The following TRAF3IP1 variants were observed in gnomAD, a reference collection of about 807,000 sequenced individuals.
TRAF3IP1 encodes the protein TRAF3-interacting protein 1.
TRAF3IP1 carries 53 observed loss-of-function variants against 89.9 expected under a neutral mutation model. The ratio of observed to expected loss-of-function variants is 0.59; its 90% CI spans 0.47 to 0.74. The LOEUF is 0.74. Among genes scored for constraint, TRAF3IP1 ranks in the 30% least tolerant of loss-of-function variants. The pLI is 0.00. For synonymous variants in TRAF3IP1, 311 were observed against 322.1 expected (o/e 0.97, Z 0.37); for missense variants, 806 against 866.1 (o/e 0.93, Z 0.87).
intron 7 of TRAF3IP1, among the ~76,000 whole-genome samples, chr2:238,338,142 A>G (rs542543201): frequency 6.6e-6 from 1 of 152,240 alleles, no homozygotes; most frequent in South Asian, 2.1e-4. Flanking sequence ...AACAAGTTGG[A>G]GGAAAACTTG....
At position 238,320,845 on chromosome 2, in the gene TRAF3IP1, T is replaced by C. The variant is rs948940841; in HGVS notation, c.123+60T>C. ...GTCGGGATTCCGGTGGGCGCCGAGG[T>C]CAGGGCCCGGGCCGGGTGGCGCCGG... On this transcript the variant is annotated intron_variant, in intron 1 of 16. Coordinates refer to ENST00000373327, the MANE Select transcript of TRAF3IP1 (RefSeq NM_015650.4). The C allele has an allele frequency of 1.2e-5, 15 of 1,273,786 alleles. No individual in the cohort carries two copies. The African/African-American group carries it at 2.4e-4, about 21-fold the overall frequency. The allele number at this position is 1,273,786 out of a possible 1,614,324, so 78.9% of individuals were successfully genotyped here.
chr2:238,398,360 G>A (rs1701334236), intron 16 of TRAF3IP1, among the ~76,000 whole-genome samples: 2 of 147,848 alleles, frequency 1.4e-5, no homozygotes, highest in African/African-American at 5.0e-5. Flanking sequence ...TGGGGAGGGG[G>A]CCCTGCAGCA....
chr2:238,388,387 A>AG (rs1255137328), intron 15 of TRAF3IP1, among the ~76,000 whole-genome samples: 2 of 151,288 alleles, frequency 1.3e-5, no homozygotes, highest in African/African-American at 4.9e-5. Flanking sequence ...AAAAAAAAAA[A>AG]AAAAAGGATG....
At chr2:238,395,401 A>G (rs1485438477) in intron 15 of TRAF3IP1, among the ~76,000 whole-genome samples, 1 of 152,202 alleles carries the variant, frequency 6.6e-6, no homozygotes. Flanking sequence ...ATTAAAGACT[A>G]CATGTTAGAC....
chr2:238,384,287 C>G (rs918545109), intron 15 of TRAF3IP1, among the ~76,000 whole-genome samples: 1 of 152,082 alleles, frequency 6.6e-6, no homozygotes, highest in Admixed American at 6.6e-5. Context: ...CTGTTTTACA[C>G]TTGTTTGCTA....
intron 1 of TRAF3IP1, among the ~76,000 whole-genome samples, chr2:238,324,653 G>A (rs1367245908): frequency 6.6e-6 from 1 of 152,050 alleles, no homozygotes; most frequent in African/African-American, 2.4e-5. Flanking sequence ...TCGCCAGGCT[G>A]GAGTGCAGTG....
At position 238,377,910 on chromosome 2, in the gene TRAF3IP1, C is replaced by T. The variant is rs571219773; in HGVS notation, c.1690-19549C>T. 9.1e-4 allele frequency among the ~76,000 whole-genome samples: 139 copies of T among 152,142 alleles called. 1 individual carries two copies. The highest frequency in any genetic ancestry group is 3.2e-3 in the African/African-American group (132 of 41,512). On this transcript the variant is annotated intron_variant, in intron 15 of 16. Transcript: ENST00000373327. ...GCTTTTTAAAATGTGTTTTCGAGTC[C>T]ATTTTGACTGTCAGTTTTTTGAAAA...
chr2:238,393,483 C>A lies in TRAF3IP1; in HGVS notation c.1690-3976C>A, dbSNP rs142015943. ...TTGTTTTTGCTCATTCTGTGACTTACCTTTGCGGCTTCTTCCCAGGGTCTT... is the reference window on the plus strand; with the variant it reads ...TTGTTTTTGCTCATTCTGTGACTTAACTTTGCGGCTTCTTCCCAGGGTCTT... On this transcript the variant is annotated intron_variant, in intron 15 of 16. Transcript: ENST00000373327. 2.3e-3 allele frequency among the ~76,000 whole-genome samples: 347 copies of A among 152,234 alleles called. 1 individual carries two copies. The highest frequency in any genetic ancestry group is 8.2e-3 in the African/African-American group (339 of 41,528).
Position 238,334,189 on chromosome 2 carries a change from T to C in TRAF3IP1, c.1063+154T>C, listed in dbSNP as rs546311923. ...ACAGCGTGTGGAAATAATGAAGATT[T>C]GTGGCTGTTACATACACATGCGTGT... is the stretch of plus-strand genomic sequence containing the variant. On this transcript the variant is annotated intron_variant, in intron 7 of 16. Coordinates refer to ENST00000373327, the MANE Select transcript of TRAF3IP1 (RefSeq NM_015650.4). 19 of 659,356 alleles carry C rather than the reference T, an allele frequency of 2.9e-5. No homozygotes were observed. In the East Asian group the frequency reaches 5.0e-4, roughly 17 times the overall value. The allele number at this position is 659,356 out of a possible 1,614,324, so 40.8% of individuals were successfully genotyped here. A position where few individuals can be genotyped will look rare whatever the true frequency, so the allele number is the denominator to read the frequency against.
chr2:238,354,113 A>G (rs1699299133), intron 14 of TRAF3IP1, among the ~76,000 whole-genome samples: 1 of 152,174 alleles, frequency 6.6e-6, no homozygotes, highest in Non-Finnish European at 1.5e-5. Context: ...GTTTCATTTC[A>G]GCCCATCTCA....
At chr2:238,329,586 G>A (rs1454700199) in intron 5 of TRAF3IP1, among the ~76,000 whole-genome samples, 1 of 152,096 alleles carries the variant, frequency 6.6e-6, no homozygotes, top group Non-Finnish European at 1.5e-5. Context: ...ATTTATTAAG[G>A]CATTATTCAG....
rs1469398510 is a variant in TRAF3IP1 at position 238,366,190 on chromosome 2, C to T, written c.1689+10110C>T. Among the ~76,000 whole-genome samples the T allele has an allele frequency of 4.6e-5, 7 of 152,166 alleles. 1 individual carries two copies. The South Asian group carries it at 1.0e-3, about 23-fold the overall frequency. ...GAGCTTGCAGTGAGCAGAGATCGCG[C>T]GCGCCACTGCACTCCAGCCTGGGCG... is the stretch of plus-strand genomic sequence containing the variant. On this transcript the variant is annotated intron_variant, in intron 15 of 16. Coordinates refer to ENST00000373327, the MANE Select transcript of TRAF3IP1 (RefSeq NM_015650.4).
rs902266776 is a variant in TRAF3IP1 at position 238,336,154 on chromosome 2, T to G, written c.1063+2119T>G. The stretch of plus-strand genomic sequence containing the variant: ...TCTTTTGGCTTTCCTAAGCAGACAG[T>G]TGTATCATCTGCTCTTCTTTTCTAA... On this transcript the variant is annotated intron_variant, in intron 7 of 16. Transcript: ENST00000373327. Among the ~76,000 whole-genome samples the G allele has an allele frequency of 2.0e-5, 3 of 152,286 alleles. No individual in the cohort carries two copies. The East Asian group carries it at 5.8e-4, about 29-fold the overall frequency.
intron 14 of TRAF3IP1, among the ~76,000 whole-genome samples, 195 bp from the exon 15 acceptor site, chr2:238,355,809 G>A (rs764763175): frequency 9.2e-5 from 14 of 152,118 alleles, no homozygotes; most frequent in African/African-American, 9.7e-5. Context: ...ACTTTGAAAT[G>A]TGATAATTTC....
chr2:238,383,586 G>A (rs905165616), intron 15 of TRAF3IP1, among the ~76,000 whole-genome samples: 17 of 152,244 alleles, frequency 1.1e-4, no homozygotes, highest in African/African-American at 3.9e-4. Flanking sequence ...TCTTGCCCAC[G>A]TATTTTTTAG....
At chr2:238,325,508 G>GAT (rs1185481982) in intron 2 of TRAF3IP1, 134 bp downstream of exon 2, 4 of 866,662 alleles carry the variant, frequency 4.6e-6, no homozygotes, top group East Asian at 2.6e-5. Context: ...TTCGTAAATT[G>GAT]ATATATATAC....
chr2:238,356,053 G>A lies in TRAF3IP1; in HGVS notation c.1662G>A (p.Leu554=). The change falls in exon 15 of 17, where the codon TTG becomes TTA. Residue 554 remains leucine, a synonymous_variant. Transcript: ENST00000373327. Reference sequence around the variant, plus strand: ...AGACGAAGAAAGATTATGAGAAATTGCAGCAGTCACCCAAACCTGGGGAGA... The same window carrying A: ...AGACGAAGAAAGATTATGAGAAATTACAGCAGTCACCCAAACCTGGGGAGA... ...ILETKKDYEK[L]QQSPKPGEKE... 6.2e-7 allele frequency: 1 copy of A among 1,613,792 alleles called. No homozygotes were observed.
chr2:238,338,674 A>G (rs1698497726), intron 8 of TRAF3IP1, among the ~76,000 whole-genome samples: 1 of 152,216 alleles, frequency 6.6e-6, no homozygotes, highest in African/African-American at 2.4e-5. Flanking sequence ...AGTTAATTAT[A>G]TGCCTTTTTA....
intron 15 of TRAF3IP1, among the ~76,000 whole-genome samples, chr2:238,369,969 G>A (rs1700038460): frequency 6.6e-6 from 1 of 152,020 alleles, no homozygotes. Context: ...TTCAGCCTGC[G>A]CCCAGCATTC....
Sources: allele counts gnomAD v4.1 joint callset (sites outside exome capture counted in the v4.1 genomes callset), GRCh38; gene constraint gnomAD v4.1.1; transcripts MANE v1.5; gene names NCBI Gene and HGNC (gene_info 2026-07-23, HGNC 2026-07-21).